The following AFF2 variants were observed in gnomAD, a reference collection of about 807,000 sequenced individuals.
The protein encoded by AFF2 is AF4/FMR2 family member 2.
In AFF2, 14 loss-of-function variants were observed where a neutral mutation model predicts 76.9. The ratio of observed to expected loss-of-function variants is 0.18; its 90% CI spans 0.12 to 0.28. AFF2 has a LOEUF of 0.28. AFF2 is among the 10% of genes least tolerant of loss of function. The probability of loss-of-function intolerance (pLI) is 1.00; values close to 1 mark genes in which losing one functional copy is unlikely to be tolerated. For synonymous variants in AFF2, 398 were observed against 366.7 expected, an observed-to-expected ratio of 1.09 and a Z score of -0.98; for missense variants, 868 against 1,001.1, an observed-to-expected ratio of 0.87 and a Z score of 1.79.
At chrX:148,630,846 G>A (rs1603263437) in intron 1 of AFF2, among the ~76,000 whole-genome samples, 1 of 111,815 alleles carries the variant, frequency 8.9e-6, no homozygotes, top group Admixed American at 9.5e-5. Flanking sequence ...GCCATTCCAC[G>A]GTTTTCCTCT....
rs373447614 is a variant in AFF2, at chrX:148,975,813, G to A, written c.3405-2120G>A. 9.3e-3 allele frequency among the ~76,000 whole-genome samples: 913 copies of A among 98,452 alleles called. 11 individuals carry two copies. The highest frequency in any genetic ancestry group is 0.031 in the African/African-American group (863 of 28,268). The allele number at this position is 98,452 out of a possible 115,157, so 85.5% of individuals were successfully genotyped here. A position where few individuals can be genotyped will look rare whatever the true frequency, so the allele number is the denominator to read the frequency against. ...CAAAAAATTAGCCGGGCGTAGTGGC[G>A]GGCGCCTGTAGTCCCAGCTACTTGG... On this transcript the variant is annotated intron_variant, in intron 16 of 20. Transcript: ENST00000370460.
chrX:148,636,987 A>G (rs1232400617), intron 1 of AFF2, among the ~76,000 whole-genome samples: 5 of 111,989 alleles, frequency 4.5e-5, no homozygotes, highest in African/African-American at 1.6e-4. Flanking sequence ...GGATCTTTAA[A>G]TATTTCAGAG....
At position 148,500,667 on chromosome X, in the gene AFF2, CGCCGCCGCCGCCGCCGCT is replaced by C. The variant is rs1361216977; in HGVS notation, c.-424_-407del. 4.2e-5 allele frequency: 4 copies of C among 96,099 alleles called. No homozygotes were observed. The highest frequency in any genetic ancestry group is 6.4e-5 in the Non-Finnish European group (3 of 47,168). The allele number at this position is 96,099 out of a possible 1,213,427, so 7.9% of individuals were successfully genotyped here. ...CCGCCGCCGCCGCCGCCGCCGCCGC[CGCCGCCGCCGCCGCCGCT>C]GCCGCCCCGGCTGCCGCGCCGCGCC... is the stretch of plus-strand genomic sequence containing the variant. On this transcript the variant is annotated 5_prime_UTR_variant, in exon 1 of 21. Transcript: ENST00000370460.
intron 3 of AFF2, among the ~76,000 whole-genome samples, chrX:148,691,739 C>G (rs2054653273): frequency 8.9e-6 from 1 of 111,737 alleles, no homozygotes; most frequent in South Asian, 3.7e-4. Flanking sequence ...TGAGACTGGA[C>G]ATTTTGCCAT....
At position 148,992,979 on chromosome X, in the gene AFF2, A is replaced by G. The variant is rs2072550445; in HGVS notation, c.*1647A>G. On this transcript the variant is annotated 3_prime_UTR_variant, in exon 21 of 21. Transcript: ENST00000370460. ...ATGAAAGATGCAAACTTGTGTGATT[A>G]TTAAAGCCAGCCATGCAGGTCCATG... The G allele has an allele frequency of 8.9e-6, 1 of 112,994 alleles. No individual in the cohort carries two copies. The highest frequency in any genetic ancestry group is 2.8e-4 in the East Asian group (1 of 3,608). 9.3% of individuals were successfully genotyped at this position (112,994 alleles called of 1,213,427 possible).
intron 7 of AFF2, among the ~76,000 whole-genome samples, chrX:148,844,969 G>A (rs1396931332): frequency 9.0e-6 from 1 of 111,415 alleles, no homozygotes; most frequent in Non-Finnish European, 1.9e-5. Context: ...AATCATCTTT[G>A]ATGCTGTATG....
chrX:148,753,881 A>C (rs1038535933), intron 3 of AFF2, among the ~76,000 whole-genome samples: 10 of 111,799 alleles, frequency 8.9e-5, no homozygotes, highest in African/African-American at 3.3e-4. Flanking sequence ...AGCCTTTCAG[A>C]CATCTCTCCC....
chrX:148,881,539 G>A (rs5017731), intron 7 of AFF2, among the ~76,000 whole-genome samples: 257 of 111,372 alleles, frequency 2.3e-3, no homozygotes, highest in Non-Finnish European at 3.5e-3. Flanking sequence ...CACTCCAAGA[G>A]GATCTAAGAA....
At chrX:148,627,893 T>C (rs73638171) in intron 1 of AFF2, among the ~76,000 whole-genome samples, 4,656 of 111,515 alleles carry the variant, frequency 0.042, 248 homozygotes, top group African/African-American at 0.14. Flanking sequence ...TTCAAGGGGG[T>C]ATCACAGGTG....
chrX:148,603,594 C>A (rs1472795878), intron 1 of AFF2, among the ~76,000 whole-genome samples: 2 of 110,240 alleles, frequency 1.8e-5, no homozygotes, highest in Non-Finnish European at 3.8e-5. Flanking sequence ...ACTAGTTTTG[C>A]CACCAAATGC....
Position 148,820,515 on chromosome X carries a change from G to A in AFF2, c.1086+10595G>A, listed in dbSNP as rs782591222. ...CAACCATTAAAAAGATGGCTTTGCC[G>A]GTGATGTAACAACATGAGGAAAAAT... On this transcript the variant is annotated intron_variant, in intron 4 of 20. Transcript: ENST00000370460. Among the ~76,000 whole-genome samples the A allele has an allele frequency of 7.2e-5, 8 of 111,616 alleles. No homozygotes were observed. The East Asian group carries it at 8.4e-4, about 12-fold the overall frequency.
chrX:148,909,980 A>C (rs1350407026), intron 9 of AFF2, among the ~76,000 whole-genome samples: 1 of 112,731 alleles, frequency 8.9e-6, no homozygotes, highest in African/African-American at 3.2e-5. Context: ...GAAAATGTGA[A>C]TTGCTTTTGG....
rs192872538 is a variant in AFF2 at position 148,519,405 on chromosome X, C to A, written c.47+18261C>A. On this transcript the variant is annotated intron_variant, in intron 1 of 20. Coordinates refer to ENST00000370460, the MANE Select transcript of AFF2 (RefSeq NM_002025.4). ...AAATATTACAGTCTTTGAACACATT[C>A]TTCGTGAAATCACTTGCAGCAATTT... is the stretch of plus-strand genomic sequence containing the variant. Among the ~76,000 whole-genome samples, 3 of 112,555 alleles carry A rather than the reference C, an allele frequency of 2.7e-5. No individual in the cohort carries two copies. In the Admixed American group the frequency reaches 2.8e-4, roughly 11 times the overall value.
intron 4 of AFF2, among the ~76,000 whole-genome samples, chrX:148,814,873 G>A (rs782169541): frequency 2.6e-4 from 29 of 111,321 alleles, no homozygotes; most frequent in African/African-American, 8.1e-4. Context: ...AAAATTGGTC[G>A]GACAATTATG....
At chrX:148,549,947 G>A (rs782702659) in intron 1 of AFF2, among the ~76,000 whole-genome samples, 1 of 111,425 alleles carries the variant, frequency 9.0e-6, no homozygotes, top group Non-Finnish European at 1.9e-5. Flanking sequence ...GATTTCTCCC[G>A]CCCCATACAA....
rs192245263 is a variant in AFF2 at position 148,887,468 on chromosome X, A to G, written c.1359+1483A>G. Among the ~76,000 whole-genome samples the G allele has an allele frequency of 1.6e-4, 18 of 112,673 alleles. No individual in the cohort carries two copies. In the East Asian group the frequency reaches 4.8e-3, roughly 30 times the overall value. ...GAAATGTTTAAAGTAGAATTCAATA[A>G]TAATTGAAAGTAGATTTTGCACATT... On this transcript the variant is annotated intron_variant, in intron 8 of 20. Coordinates refer to ENST00000370460, the MANE Select transcript of AFF2 (RefSeq NM_002025.4).
At chrX:148,872,394 G>C (rs1569556444) in intron 7 of AFF2, among the ~76,000 whole-genome samples, 1 of 111,592 alleles carries the variant, frequency 9.0e-6, no homozygotes, top group Non-Finnish European at 1.9e-5. Flanking sequence ...TTGGTGACTG[G>C]TTTATTGCAC....
chrX:148,722,083 C>T (rs1186476479), intron 3 of AFF2, among the ~76,000 whole-genome samples: 3 of 111,392 alleles, frequency 2.7e-5, no homozygotes, highest in South Asian at 3.8e-4. Flanking sequence ...AGGGTGGGAA[C>T]GCAGTTCAAC....
rs2052575120 is a variant in AFF2 at position 148,519,708 on chromosome X, C to T, written c.47+18564C>T. The stretch of plus-strand genomic sequence containing the variant: ...GTGTGTATATATACATACATATGTA[C>T]GTATACATACACACTGTATATACAA... On this transcript the variant is annotated intron_variant, in intron 1 of 20. Transcript: ENST00000370460. 2.7e-5 allele frequency among the ~76,000 whole-genome samples: 3 copies of T among 111,500 alleles called. No homozygotes were observed. In the Admixed American group the frequency reaches 2.8e-4, roughly 11 times the overall value.
Sources: allele counts gnomAD v4.1 joint callset (sites outside exome capture counted in the v4.1 genomes callset), GRCh38; gene constraint gnomAD v4.1.1; transcripts MANE v1.5; gene names NCBI Gene and HGNC (gene_info 2026-07-23, HGNC 2026-07-21).